ZFAND2A: variants seen among roughly 807,000 people sequenced by gnomAD.
ZFAND2A encodes zinc finger AN1-type containing 2A.
Under a neutral mutation model 11.6 loss-of-function variants are expected in ZFAND2A, and 20 were observed. That is an observed-to-expected ratio of 1.72 (90% CI 1.21 to 2.50). ZFAND2A has a LOEUF of 2.50. Among genes scored for constraint, ZFAND2A ranks in the 30% most tolerant of loss-of-function variants. ZFAND2A has a pLI of 0.00. For missense variants in ZFAND2A, 234 were observed against 182.9 expected, an observed-to-expected ratio of 1.28 and a Z score of -1.61; for synonymous variants, 93 against 60.6, an observed-to-expected ratio of 1.54 and a Z score of -2.48.
chr7:1,153,700 T>C (rs1217972393), intron 4 of ZFAND2A, among the ~76,000 whole-genome samples: 1 of 152,188 alleles, frequency 6.6e-6, no homozygotes, highest in African/African-American at 2.4e-5. Flanking sequence ...ATCCCAGCAC[T>C]TTGGGAAGCC....
At chr7:1,150,731 G>A (rs925161196), downstream of ZFAND2A, among the ~76,000 whole-genome samples, 3 of 152,088 alleles carry the variant, frequency 2.0e-5, no homozygotes, top group African/African-American at 7.2e-5. Flanking sequence ...CCTAGTTCCT[G>A]CCATTGTAGT....
At chr7:1,159,568 G>C (rs1793628702) in intron 1 of ZFAND2A, among the ~76,000 whole-genome samples, 1 of 79,576 alleles carries the variant, frequency 1.3e-5, no homozygotes, top group African/African-American at 5.7e-5. Flanking sequence ...CAGCAGACAG[G>C]CCGGACCCCC....
At chr7:1,154,928 G>A (rs909877139) in intron 4 of ZFAND2A, among the ~76,000 whole-genome samples, 1 of 152,086 alleles carries the variant, frequency 6.6e-6, no homozygotes, top group South Asian at 2.1e-4. Flanking sequence ...GACCAGCCCG[G>A]CCAACATAGT....
intron 1 of ZFAND2A, among the ~76,000 whole-genome samples, chr7:1,158,968 C>T (rs1793603821): frequency 6.6e-6 from 1 of 152,150 alleles, no homozygotes; most frequent in Admixed American, 6.5e-5. Flanking sequence ...ACCTTCCCAT[C>T]AGCTCTCTCC....
Position 1,156,112 on chromosome 7 carries a change from C to T in ZFAND2A, c.151-528G>A, listed in dbSNP as rs111252747. Among the ~76,000 whole-genome samples, 499 of 121,266 alleles carry T rather than the reference C, an allele frequency of 4.1e-3. 56 individuals are homozygous for T. The highest frequency in any genetic ancestry group is 0.02 in the African/African-American group (466 of 23,232). 79.6% of individuals were successfully genotyped at this position (121,266 alleles called of 152,430 possible). On this transcript the variant is annotated intron_variant, in intron 3 of 4. Coordinates refer to ENST00000316495, the MANE Select transcript of ZFAND2A (RefSeq NM_182491.4). ...TTGTGAGGGCTCCAAAGGGGTGGAC[C>T]GCCCAGCAAGGCTAAAAACCTGAGC...
At chr7:1,155,363 T>C in intron 4 of ZFAND2A, 90 bp downstream of exon 4, 2 of 1,543,920 alleles carry the variant, frequency 1.3e-6, no homozygotes, top group Non-Finnish European at 1.8e-6. Flanking sequence ...ACATAAACTA[T>C]TGGGAGTAAT....
downstream of ZFAND2A, among the ~76,000 whole-genome samples, chr7:1,151,762 T>TAAAAAA (rs530920394): frequency 1.3e-4 from 11 of 87,180 alleles, no homozygotes; most frequent in South Asian, 3.6e-4. Context: ...TCATCCCTTT[T>TAAAAAA]AAAAAAAAAA....
intron 2 of ZFAND2A, 52 bp from the exon 3 acceptor site, chr7:1,157,802 C>T: frequency 1.5e-6 from 2 of 1,351,430 alleles, no homozygotes; most frequent in East Asian, 2.4e-5. Context: ...AAAATACTTC[C>T]AGATAGTACT....
chr7:1,152,052 T>C, downstream of ZFAND2A: 1 of 551,594 alleles, frequency 1.8e-6, no homozygotes, highest in South Asian at 3.8e-5. Flanking sequence ...ATGATGCTGC[T>C]GCTGCCGAAA....
Position 1,158,909 on chromosome 7 carries a change from G to A in ZFAND2A, c.-45-652C>T, listed in dbSNP as rs187085711. Among the ~76,000 whole-genome samples, 385 of 151,978 alleles carry A rather than the reference G, an allele frequency of 2.5e-3. 2 individuals carry two copies. The highest frequency in any genetic ancestry group is 3.1e-3 in the Non-Finnish European group (208 of 67,942). On this transcript the variant is annotated intron_variant, in intron 1 of 4. Coordinates refer to ENST00000316495, the MANE Select transcript of ZFAND2A (RefSeq NM_182491.4). ...CCCGGGGCCTTTTCCTGGGGCTCACGAGGTCCCGTCATCTAGTACTCACCA... is the reference window on the plus strand; with the variant it reads ...CCCGGGGCCTTTTCCTGGGGCTCACAAGGTCCCGTCATCTAGTACTCACCA...
intron 1 of ZFAND2A, among the ~76,000 whole-genome samples, chr7:1,159,468 G>A (rs1265263870): frequency 1.3e-5 from 2 of 148,984 alleles, no homozygotes; most frequent in African/African-American, 2.5e-5. Flanking sequence ...CCAGCAGACA[G>A]GCCGGACCCC....
At chr7:1,150,887 CTTTT>C (rs10568309), downstream of ZFAND2A, among the ~76,000 whole-genome samples, 20,331 of 128,008 alleles carry the variant, frequency 0.16, 1,561 homozygotes, top group Middle Eastern at 0.3. Flanking sequence ...ACAACTGTGC[CTTTT>C]TTTTTTTTTT....
intron 2 of ZFAND2A, 124 bp downstream of exon 2, chr7:1,158,033 AC>A (rs1269055412): frequency 7.0e-6 from 7 of 999,906 alleles, no homozygotes; most frequent in Non-Finnish European, 1.1e-5. Context: ...CAGAACCTGC[AC>A]CAGCACAGTT....
chr7:1,156,911 G>T, intron 3 of ZFAND2A: 1 of 152,480 alleles, frequency 6.6e-6, no homozygotes, highest in Non-Finnish European at 1.5e-5. Context: ...TAAACGCAGG[G>T]AATGTGAGTC....
rs2128258088 is a variant in ZFAND2A, at chr7:1,155,570, T to C, written c.165A>G (p.Pro55=). Residue 55 remains proline, a synonymous_variant, in exon 4 of 5, where the codon CCA becomes CCG. Transcript: ENST00000316495. ...TGGGGGTATTACAGAGTGGGCATAC[T>C]GGGACGTGAACATCCTAAAAATAAC... ...PFAFQKDVHV[P]VCPLCNTPIP... 6.2e-7 allele frequency: 1 copy of C among 1,613,142 alleles called. No individual in the cohort carries two copies. Among genetic ancestry groups the C allele is most frequent in the Non-Finnish European group, 8.5e-7 (1 of 1,179,636 alleles).
chr7:1,149,272 C>T (rs1473017369), downstream of ZFAND2A, among the ~76,000 whole-genome samples: 1 of 152,232 alleles, frequency 6.6e-6, no homozygotes, highest in Non-Finnish European at 1.5e-5. Context: ...TTAAACTTAA[C>T]CACACCGAAC....
At chr7:1,151,355 G>T (rs111615059), downstream of ZFAND2A, among the ~76,000 whole-genome samples, 85 of 151,054 alleles carry the variant, frequency 5.6e-4, 2 homozygotes, top group South Asian at 0.016. Context: ...AAGAACCCTC[G>T]GCCAGGCAGG....
rs1190520580 is a variant in ZFAND2A at position 1,159,949 on chromosome 7, A to T, written c.-46+15T>A. ...ACCCCCGGCAGACCCTGTCTGCGCA[A>T]TCCCGGCCCCGTACCTGGCTCTCGT... On this transcript the variant is annotated intron_variant, in intron 1 of 4. Transcript: ENST00000316495. The T allele has an allele frequency of 1.9e-5, 3 of 160,768 alleles. No individual in the cohort carries two copies. Among genetic ancestry groups the T allele is most frequent in the African/African-American group, 7.2e-5 (3 of 41,484 alleles). The allele number at this position is 160,768 out of a possible 1,614,324, so 10.0% of individuals were successfully genotyped here. A position where few individuals can be genotyped will look rare whatever the true frequency, so the allele number is the denominator to read the frequency against.
At chr7:1,151,762 T>TTAAAAAAAAAAAAAAAAAAAAAAAAA (rs1554344524), downstream of ZFAND2A, among the ~76,000 whole-genome samples, 6 of 87,176 alleles carry the variant, frequency 6.9e-5, no homozygotes, top group African/African-American at 2.8e-4. Flanking sequence ...TCATCCCTTT[T>TTAAAAAAAAAAAAAAAAAAAAAAAAA]AAAAAAAAAA....
Sources: allele counts gnomAD v4.1 joint callset (sites outside exome capture counted in the v4.1 genomes callset), GRCh38; gene constraint gnomAD v4.1.1; transcripts MANE v1.5; gene names NCBI Gene and HGNC (gene_info 2026-07-23, HGNC 2026-07-21).